The following MTR variants were observed in gnomAD, a reference collection of about 807,000 sequenced individuals.
MTR encodes 5-methyltetrahydrofolate-homocysteine methyltransferase.
MTR carries 84 observed loss-of-function variants against 154.8 expected under a neutral mutation model. The ratio of observed to expected loss-of-function variants is 0.54; its 90% CI spans 0.45 to 0.65. The LOEUF is 0.65. Ranked by LOEUF, MTR falls within the 30% of genes least tolerant of loss-of-function variation. The probability of loss-of-function intolerance (pLI) is 0.00; values close to 1 mark genes in which losing one functional copy is unlikely to be tolerated. For missense variants in MTR, 1,275 were observed against 1,570.2 expected (o/e 0.81, Z 3.18); for synonymous variants, 554 against 553.9 (o/e 1.00, Z 0.00).
intron 8 of MTR, among the ~76,000 whole-genome samples, chr1:236,816,763 A>T (rs143717771): frequency 1.3e-5 from 2 of 152,328 alleles, no homozygotes; most frequent in African/African-American, 4.8e-5. Flanking sequence ...TCTCATACTT[A>T]CAAATGGTTG....
chr1:236,811,643 A>G, intron 5 of MTR: 1 of 456,246 alleles, frequency 2.2e-6, no homozygotes, highest in Non-Finnish European at 4.4e-6. Context: ...TCTTTGGTCT[A>G]GACCTGCCAG....
intron 8 of MTR, chr1:236,820,392 G>C: frequency 1.2e-6 from 1 of 846,186 alleles, no homozygotes; most frequent in Non-Finnish European, 2.0e-6. Flanking sequence ...AGGCATGCAG[G>C]TGCCCTCTGT....
chr1:236,874,952 A>G (rs1665348779), intron 24 of MTR, 106 bp downstream of exon 24: 1 of 1,276,772 alleles, frequency 7.8e-7, no homozygotes, highest in Middle Eastern at 1.9e-4. Context: ...TATGTTTAGT[A>G]CATTGACTTT....
chr1:236,814,165 A>C (rs1179598843), intron 6 of MTR, among the ~76,000 whole-genome samples: 1 of 152,144 alleles, frequency 6.6e-6, no homozygotes, highest in Admixed American at 6.5e-5. Context: ...TGACCACCCT[A>C]CCTCATTCTT....
intron 26 of MTR, among the ~76,000 whole-genome samples, 182 bp from the exon 27 acceptor site, chr1:236,886,107 ATTG>A (rs3831323): frequency 0.041 from 6,209 of 152,170 alleles, 380 homozygotes; most frequent in East Asian, 0.2. Context: ...TTTACTATCT[ATTG>A]TTCTGGTGCC....
At chr1:236,887,401 C>T (rs992214160) in intron 27 of MTR, among the ~76,000 whole-genome samples, 11 of 151,920 alleles carry the variant, frequency 7.2e-5, no homozygotes, top group South Asian at 4.1e-4. Flanking sequence ...GTTTTTACCA[C>T]GTAAAAAAAG....
At chr1:236,866,630 G>C (rs1166386497) in intron 22 of MTR, among the ~76,000 whole-genome samples, 1 of 152,176 alleles carries the variant, frequency 6.6e-6, no homozygotes. Context: ...TGAAAACTAG[G>C]CTTCTTGCAC....
intron 24 of MTR, among the ~76,000 whole-genome samples, chr1:236,878,209 A>G (rs1229276550): frequency 1.3e-5 from 2 of 152,174 alleles, no homozygotes; most frequent in African/African-American, 2.4e-5. Flanking sequence ...GTCTCTTCAT[A>G]TATGGTTAAT....
Position 236,803,431 on chromosome 1 carries a change from G to A in MTR, c.38G>A (p.Gly13Asp), listed in dbSNP as rs1660801410. 1 of 1,613,908 alleles carries A rather than the reference G, an allele frequency of 6.2e-7. No individual in the cohort carries two copies. The highest frequency in any genetic ancestry group is 8.5e-7 in the Non-Finnish European group (1 of 1,179,900). The change falls in exon 2 of 33, where the codon GGT becomes GAT. Residue 13 changes from glycine (G) to aspartate (D), a missense_variant. Coordinates refer to ENST00000366577, the MANE Select transcript of MTR (RefSeq NM_000254.3). Reference protein sequence around the residue: ...PALQDLSQPEGLKKTLRDEIN... With the variant: ...PALQDLSQPEDLKKTLRDEIN... Reference sequence around the variant, plus strand: ...CAAACTTTCACTTTCTTTAAAGAAGGTCTGAAGAAAACCCTGCGGGATGAG... The same window carrying A: ...CAAACTTTCACTTTCTTTAAAGAAGATCTGAAGAAAACCCTGCGGGATGAG...
intron 10 of MTR, among the ~76,000 whole-genome samples, chr1:236,826,048 A>G (rs77426412): frequency 0.025 from 3,824 of 152,258 alleles, 85 homozygotes; most frequent in Non-Finnish European, 0.042. Context: ...TCAGTAGCCT[A>G]TGGTTAAACT....
At chr1:236,829,138 A>C in intron 11 of MTR, 51 bp from the exon 12 acceptor site, 1 of 1,388,810 alleles carries the variant, frequency 7.2e-7, no homozygotes, top group Non-Finnish European at 1.0e-6. Context: ...AGTTTCATTA[A>C]ATATATTTTA....
At chr1:236,816,103 T>C (rs1039373564) in intron 7 of MTR, among the ~76,000 whole-genome samples, 1 of 152,242 alleles carries the variant, frequency 6.6e-6, no homozygotes, top group Non-Finnish European at 1.5e-5. Context: ...GGGTGTTAGA[T>C]AAATCCAATG....
At position 236,861,289 on chromosome 1, in the gene MTR, A is replaced by G; in HGVS notation, c.2196+12A>G. On this transcript the variant is annotated intron_variant, in intron 20 of 32. Coordinates refer to ENST00000366577, the MANE Select transcript of MTR (RefSeq NM_000254.3). ...TGTTTCTACCTCAGGTTAGCAAAAT[A>G]TGGGGAGAAATTTTCACAGTTGCAT... The G allele has an allele frequency of 6.2e-7, 1 of 1,613,768 alleles. No individual in the cohort carries two copies.
intron 5 of MTR, among the ~76,000 whole-genome samples, chr1:236,811,199 G>A (rs763449408): frequency 9.2e-5 from 14 of 152,066 alleles, no homozygotes; most frequent in Non-Finnish European, 1.6e-4. Context: ...ATCAGATCTC[G>A]TAAGACTTAT....
At chr1:236,808,279 A>G (rs2103031056) in intron 3 of MTR, among the ~76,000 whole-genome samples, 1 of 152,350 alleles carries the variant, frequency 6.6e-6, no homozygotes, top group Non-Finnish European at 1.5e-5. Flanking sequence ...ACATGAATCA[A>G]GGCCTGGAAA....
intron 18 of MTR, among the ~76,000 whole-genome samples, chr1:236,859,531 CT>C (rs1192370430): frequency 6.6e-6 from 1 of 152,130 alleles, no homozygotes; most frequent in Non-Finnish European, 1.5e-5. Context: ...TGGAGTATAG[CT>C]TCTCTTACTG....
rs61739582 is a variant in MTR at position 236,897,072 on chromosome 1, A to G, written c.3665A>G (p.Asn1222Ser). The G allele has an allele frequency of 3.6e-3, 5,821 of 1,614,034 alleles. 198 individuals carry two copies. The African/African-American group carries it at 0.066, about 18-fold the overall frequency. Reference sequence around the variant, plus strand: ...GCAGTCTCAGGCCTCTACTTCTCCAATTTGAAGTCCAAATATTTTGCTGTG... The same window carrying G: ...GCAGTCTCAGGCCTCTACTTCTCCAGTTTGAAGTCCAAATATTTTGCTGTG... ...ASAVSGLYFS[N>S]LKSKYFAVGK... Residue 1222 changes from asparagine to serine, a missense_variant, in exon 32 of 33, where the codon AAT (asparagine) becomes AGT (serine). Transcript: ENST00000366577.
At chr1:236,843,286 G>T (rs1032105389) in intron 15 of MTR, among the ~76,000 whole-genome samples, 3 of 152,144 alleles carry the variant, frequency 2.0e-5, no homozygotes, top group Non-Finnish European at 4.4e-5. Flanking sequence ...TGTAGGGGAA[G>T]AGTGTTCTTT....
intron 20 of MTR, 21 bp downstream of exon 20, chr1:236,861,298 A>C: frequency 6.2e-7 from 1 of 1,613,604 alleles, no homozygotes; most frequent in Non-Finnish European, 8.5e-7. Context: ...TATGGGGAGA[A>C]ATTTTCACAG....
Sources: allele counts gnomAD v4.1 joint callset (sites outside exome capture counted in the v4.1 genomes callset), GRCh38; gene constraint gnomAD v4.1.1; transcripts MANE v1.5; gene names NCBI Gene and HGNC (gene_info 2026-07-23, HGNC 2026-07-21).